SH2D4A: variants seen among roughly 807,000 people sequenced by gnomAD.
The protein encoded by SH2D4A is SH2 domain-containing protein 4A.
Under a neutral mutation model 64.7 loss-of-function variants are expected in SH2D4A, and 70 were observed. The observed-to-expected ratio is 1.08, with a 90% CI of 0.89 to 1.32. SH2D4A has a LOEUF of 1.32. Ranked by LOEUF, SH2D4A falls within the 40% of genes most tolerant of loss-of-function variation. SH2D4A has a pLI of 0.00. For missense variants in SH2D4A, 706 were observed against 540.1 expected, an observed-to-expected ratio of 1.31 and a Z score of -3.04; for synonymous variants, 268 against 200.7, an observed-to-expected ratio of 1.34 and a Z score of -2.83.
intron 8 of SH2D4A, among the ~76,000 whole-genome samples, chr8:19,390,771 G>C (rs775492602): frequency 7.2e-5 from 11 of 152,300 alleles, no homozygotes; most frequent in Non-Finnish European, 1.2e-4. Flanking sequence ...TTGGGTCCTG[G>C]TGTCCCAGGA....
intron 8 of SH2D4A, among the ~76,000 whole-genome samples, chr8:19,388,519 T>A (rs1029803632): frequency 1.3e-5 from 2 of 152,148 alleles, no homozygotes; most frequent in Non-Finnish European, 2.9e-5. Flanking sequence ...CACCAATTAT[T>A]TGAGGATAAT....
intron 5 of SH2D4A, among the ~76,000 whole-genome samples, chr8:19,360,076 A>C (rs2052856297): frequency 6.6e-6 from 1 of 152,150 alleles, no homozygotes; most frequent in Non-Finnish European, 1.5e-5. Flanking sequence ...TTTCAGGTCT[A>C]AGTGATTTGG....
At chr8:19,338,641 A>G (rs1460364643) in intron 4 of SH2D4A, among the ~76,000 whole-genome samples, 1 of 152,212 alleles carries the variant, frequency 6.6e-6, no homozygotes, top group Non-Finnish European at 1.5e-5. Flanking sequence ...GGCAGCTTCT[A>G]GAAGTTGGAA....
At chr8:19,331,232 T>A (rs983808310) in intron 2 of SH2D4A, among the ~76,000 whole-genome samples, 1 of 152,170 alleles carries the variant, frequency 6.6e-6, no homozygotes, top group Non-Finnish European at 1.5e-5. Context: ...CAAGAATACG[T>A]TGGACAGAAG....
chr8:19,332,924 C>T, intron 2 of SH2D4A, 31 bp from the exon 3 acceptor site: 2 of 1,600,280 alleles, frequency 1.2e-6, no homozygotes, highest in South Asian at 1.1e-5. Context: ...TTTGTTCAAT[C>T]TGAATTTTTT....
intron 8 of SH2D4A, 97 bp from the exon 9 acceptor site, chr8:19,393,221 G>A (rs961090579): frequency 1.9e-6 from 2 of 1,068,192 alleles, no homozygotes; most frequent in Non-Finnish European, 2.8e-6. Context: ...GTCTTATTTA[G>A]GCGTCATTGA....
At chr8:19,340,964 A>G (rs566690816) in intron 4 of SH2D4A, among the ~76,000 whole-genome samples, 1 of 152,196 alleles carries the variant, frequency 6.6e-6, no homozygotes, top group Non-Finnish European at 1.5e-5. Flanking sequence ...GTCTTTTCAC[A>G]ATAATCCTGT....
chr8:19,392,827 C>T (rs1475766619), intron 8 of SH2D4A, among the ~76,000 whole-genome samples: 1 of 151,960 alleles, frequency 6.6e-6, no homozygotes, highest in African/African-American at 2.4e-5. Context: ...CTGCAAGCTC[C>T]GTTTCCTGGG....
rs2053559686 is a variant in SH2D4A, at chr8:19,394,767, AAAG to A, written c.*126_*128del. ...GAGCCAATACTGATCAACTGAAAGT[AAAG>A]TATCCATGGAGTCCTCATTGACACC... On this transcript the variant is annotated 3_prime_UTR_variant, in exon 10 of 10. Coordinates refer to ENST00000265807, the MANE Select transcript of SH2D4A (RefSeq NM_022071.4). 9.7e-6 allele frequency: 4 copies of A among 413,576 alleles called. No homozygotes were observed. The highest frequency in any genetic ancestry group is 6.1e-5 in the Admixed American group (1 of 16,296). 25.6% of individuals were successfully genotyped at this position (413,576 alleles called of 1,614,324 possible). A position where few individuals can be genotyped will look rare whatever the true frequency, so the allele number is the denominator to read the frequency against.
At chr8:19,374,194 G>C (rs1344413983) in intron 8 of SH2D4A, among the ~76,000 whole-genome samples, 2 of 152,210 alleles carry the variant, frequency 1.3e-5, no homozygotes, top group Admixed American at 1.3e-4. Flanking sequence ...CCAGTATGTA[G>C]TTGAGTGTGT....
At chr8:19,316,199 C>A (rs904168982) in intron 1 of SH2D4A, among the ~76,000 whole-genome samples, 1 of 152,206 alleles carries the variant, frequency 6.6e-6, no homozygotes, top group African/African-American at 2.4e-5. Context: ...AGATAGTTGT[C>A]GGCTGGGTCC....
Position 19,321,211 on chromosome 8 carries a change from T to G in SH2D4A, c.181+1483T>G, listed in dbSNP as rs956684712. On this transcript the variant is annotated intron_variant, in intron 2 of 9. Transcript: ENST00000265807. ...TGAGACTTAGAGAAGTTCATTTTTTTTTTTGCTTGTTTGTTTGTTTGAGAT... is the reference window on the plus strand; with the variant it reads ...TGAGACTTAGAGAAGTTCATTTTTTGTTTTGCTTGTTTGTTTGTTTGAGAT... 3.0e-3 allele frequency among the ~76,000 whole-genome samples: 458 copies of G among 152,296 alleles called. 4 individuals are homozygous for G. The highest frequency in any genetic ancestry group is 0.01 in the African/African-American group (424 of 41,560).
At chr8:19,386,409 T>A (rs2153651809) in intron 8 of SH2D4A, among the ~76,000 whole-genome samples, 1 of 152,362 alleles carries the variant, frequency 6.6e-6, no homozygotes, top group South Asian at 2.1e-4. Context: ...TGCAAAAATG[T>A]CACTGTGTTT....
Position 19,324,925 on chromosome 8 carries a change from C to T in SH2D4A, c.181+5197C>T, listed in dbSNP as rs561140285. ...TAGGGCAACTCTTATAACCTTTAAA[C>T]GTGAAACATCACCTTCATGCCAGTG... is the stretch of plus-strand genomic sequence containing the variant. On this transcript the variant is annotated intron_variant, in intron 2 of 9. Coordinates refer to ENST00000265807, the MANE Select transcript of SH2D4A (RefSeq NM_022071.4). Among the ~76,000 whole-genome samples the T allele has an allele frequency of 3.0e-4, 45 of 152,198 alleles. 1 individual carries two copies. The highest frequency in any genetic ancestry group is 1.1e-3 in the African/African-American group (44 of 41,502).
At chr8:19,386,814 C>G (rs1327068922) in intron 8 of SH2D4A, among the ~76,000 whole-genome samples, 1 of 152,224 alleles carries the variant, frequency 6.6e-6, no homozygotes, top group Non-Finnish European at 1.5e-5. Context: ...GGGTGTTGCT[C>G]TGTCACTCAG....
chr8:19,370,985 C>CA (rs574204791), intron 7 of SH2D4A, among the ~76,000 whole-genome samples: 19 of 152,004 alleles, frequency 1.2e-4, no homozygotes, highest in African/African-American at 4.3e-4. Context: ...AGGAAAGAAA[C>CA]AAAAAAACTG....
chr8:19,392,651 A>G (rs146029589), intron 8 of SH2D4A, among the ~76,000 whole-genome samples: 1 of 152,252 alleles, frequency 6.6e-6, no homozygotes, highest in Non-Finnish European at 1.5e-5. Flanking sequence ...CAGGATGACC[A>G]TCAAGGCGTT....
intron 4 of SH2D4A, among the ~76,000 whole-genome samples, chr8:19,356,689 C>T (rs551795912): frequency 1.2e-4 from 18 of 152,268 alleles, no homozygotes; most frequent in African/African-American, 4.3e-4. Context: ...AACATAGATA[C>T]TGGGTGACAA....
intron 6 of SH2D4A, among the ~76,000 whole-genome samples, chr8:19,363,307 C>A (rs1229487508): frequency 6.6e-6 from 1 of 152,028 alleles, no homozygotes; most frequent in African/African-American, 2.4e-5. Flanking sequence ...AAGCTCCTGA[C>A]CTCAGGTGAC....
Sources: gnomAD v4.1 joint callset for allele counts (sites outside exome capture counted in the v4.1 genomes callset) on GRCh38, gnomAD v4.1.1 for gene constraint, MANE v1.5 for transcripts, NCBI Gene and HGNC (gene_info 2026-07-23, HGNC 2026-07-21) for gene names.